DLGAP2: variants seen among roughly 807,000 people sequenced by gnomAD.
DLGAP2 encodes the protein DLG associated protein 2.
Under a neutral mutation model 100.3 loss-of-function variants are expected in DLGAP2, and 26 were observed. That is an observed-to-expected ratio of 0.26 (90% CI 0.19 to 0.36). The LOEUF is 0.36. Ranked by LOEUF, DLGAP2 falls within the 10% of genes least tolerant of loss-of-function variation. DLGAP2 has a pLI of 1.00. For missense variants in DLGAP2, 1,858 were observed against 1,453.2 expected (o/e 1.28, Z -4.53); for synonymous variants, 886 against 630.1 (o/e 1.41, Z -6.08).
At chr8:1,298,422 TCA>T (rs1457362648) in intron 3 of DLGAP2, among the ~76,000 whole-genome samples, 7 of 152,274 alleles carry the variant, frequency 4.6e-5, no homozygotes, top group Admixed American at 3.9e-4. Flanking sequence ...AAGCCCTGGA[TCA>T]CAGTGTGACA....
intron 2 of DLGAP2, among the ~76,000 whole-genome samples, chr8:1,186,087 G>A (rs62489002): frequency 0.16 from 25,046 of 152,090 alleles, 2,123 homozygotes; most frequent in East Asian, 0.23. Flanking sequence ...AATCCTGCCC[G>A]GGCCACCTCC....
At chr8:1,598,181 T>C (rs1796518139) in intron 6 of DLGAP2, among the ~76,000 whole-genome samples, 1 of 152,258 alleles carries the variant, frequency 6.6e-6, no homozygotes, top group African/African-American at 2.4e-5. Flanking sequence ...GATTTGCATA[T>C]GTTGAACCAG....
In DLGAP2 at chr8:1,522,908, T is replaced by G. The variant is rs150143223; in HGVS notation, c.172+21477T>G. On this transcript the variant is annotated intron_variant, in intron 4 of 14. Transcript: ENST00000637795. ...AAATTAGGGAGTAGCTCTACATTGC[T>G]AAAGGGATGCAGCTTTTTACCTGGG... is the stretch of plus-strand genomic sequence containing the variant. Among the ~76,000 whole-genome samples, 378 of 152,370 alleles carry G rather than the reference T, an allele frequency of 2.5e-3. 1 individual carries two copies. Among genetic ancestry groups the G allele is most frequent in the African/African-American group, 8.4e-3 (351 of 41,584 alleles).
At position 1,610,924 on chromosome 8, in the gene DLGAP2, G is replaced by T. The variant is rs1187142459; in HGVS notation, c.1443-15816G>T. Among the ~76,000 whole-genome samples, 4 of 92,928 alleles carry T rather than the reference G, an allele frequency of 4.3e-5. 1 individual carries two copies. Among genetic ancestry groups the T allele is most frequent in the African/African-American group, 2.2e-4 (4 of 18,206 alleles). 61.0% of individuals were successfully genotyped at this position (92,928 alleles called of 152,430 possible). A position where few individuals can be genotyped will look rare whatever the true frequency, so the allele number is the denominator to read the frequency against. On this transcript the variant is annotated intron_variant, in intron 6 of 14. Transcript: ENST00000637795. ...AGTTTACCAACCAAAAAGAGTCCAG[G>T]ACAAGATGGATTCACAGCCGAATTC... is the stretch of plus-strand genomic sequence containing the variant.
chr8:1,174,466 C>CATTACT (rs1405294039), intron 2 of DLGAP2, among the ~76,000 whole-genome samples: 2 of 140,766 alleles, frequency 1.4e-5, no homozygotes, highest in African/African-American at 6.5e-5. Context: ...TTATCGTCAT[C>CATTACT]ATTACCATTA....
chr8:1,575,459 TTA>T (rs1802927359), intron 6 of DLGAP2, among the ~76,000 whole-genome samples: 1 of 27,886 alleles, frequency 3.6e-5, no homozygotes, highest in Non-Finnish European at 6.7e-5. Flanking sequence ...ATATTCTTTA[TTA>T]TTATTATTAT....
intron 1 of DLGAP2, among the ~76,000 whole-genome samples, chr8:781,962 G>A (rs1821700155): frequency 6.6e-6 from 1 of 152,134 alleles, no homozygotes; most frequent in South Asian, 2.1e-4. Flanking sequence ...TGATTAATGG[G>A]TAGAAATGTA....
rs546399394 is a variant in DLGAP2, at chr8:1,133,050, C to T, written c.74-125801C>T. The stretch of plus-strand genomic sequence containing the variant: ...GTCTGTGTGTGGTGGGGTCCTTAGT[C>T]GGGGTCAGAGCCTGTGAAGGACAGT... On this transcript the variant is annotated intron_variant, in intron 2 of 14. Coordinates refer to ENST00000637795, the MANE Select transcript of DLGAP2 (RefSeq NM_001346810.2). Among the ~76,000 whole-genome samples the T allele has an allele frequency of 4.5e-4, 69 of 152,278 alleles. 1 individual carries two copies. In the South Asian group the frequency reaches 9.5e-3, roughly 21 times the overall value.
chr8:1,356,137 G>C (rs1414972104), intron 3 of DLGAP2, among the ~76,000 whole-genome samples: 2 of 152,150 alleles, frequency 1.3e-5, no homozygotes, highest in Admixed American at 1.3e-4. Flanking sequence ...GGTTCGTGTG[G>C]ACCTCACAGC....
At chr8:1,593,881 T>C (rs1267326948) in intron 6 of DLGAP2, among the ~76,000 whole-genome samples, 3 of 152,186 alleles carry the variant, frequency 2.0e-5, no homozygotes, top group Admixed American at 2.0e-4. Context: ...AAAGAGGTGA[T>C]CCATGCATCC....
intron 3 of DLGAP2, among the ~76,000 whole-genome samples, chr8:1,299,385 G>C (rs1327373884): frequency 6.6e-6 from 1 of 152,196 alleles, no homozygotes; most frequent in Non-Finnish European, 1.5e-5. Flanking sequence ...GATTCTCATG[G>C]CCCTTCTTTC....
At chr8:1,270,537 G>A (rs1373493987) in intron 3 of DLGAP2, among the ~76,000 whole-genome samples, 2 of 152,184 alleles carry the variant, frequency 1.3e-5, no homozygotes, top group Admixed American at 6.5e-5. Flanking sequence ...ACAGAGTCAG[G>A]CCAGGAAGCA....
chr8:1,351,537 G>T (rs1375217036), intron 3 of DLGAP2, among the ~76,000 whole-genome samples: 1 of 73,808 alleles, frequency 1.4e-5, no homozygotes, highest in African/African-American at 4.0e-5. Flanking sequence ...GGCCGTGTGG[G>T]TCCTGACTGT....
intron 2 of DLGAP2, among the ~76,000 whole-genome samples, chr8:1,024,830 A>G (rs1801744702): frequency 1.3e-5 from 2 of 152,168 alleles, no homozygotes; most frequent in African/African-American, 4.8e-5. Context: ...TCTCAAGCTC[A>G]TTTTGAAGAA....
intron 2 of DLGAP2, among the ~76,000 whole-genome samples, chr8:1,017,817 G>T (rs1051144912): frequency 1.2e-4 from 18 of 152,208 alleles, no homozygotes; most frequent in East Asian, 5.8e-4. Context: ...ACGCTACTGG[G>T]TTCATCCCTG....
intron 2 of DLGAP2, among the ~76,000 whole-genome samples, chr8:1,039,616 CTCGGTGTGCGTGG>C (rs2129029909): frequency 4.5e-5 from 3 of 65,954 alleles, no homozygotes; most frequent in East Asian, 4.5e-4. Context: ...GCGTGGTCAG[CTCGGTGTGCGTGG>C]TCAGCTCGGT....
chr8:1,305,989 G>C (rs957111358), intron 3 of DLGAP2, among the ~76,000 whole-genome samples: 12 of 148,672 alleles, frequency 8.1e-5, no homozygotes, highest in South Asian at 4.3e-4. Context: ...TTTATATCCA[G>C]ATATTTTGCT....
intron 2 of DLGAP2, among the ~76,000 whole-genome samples, chr8:976,050 C>T (rs546750302): frequency 7.9e-5 from 12 of 152,082 alleles, no homozygotes; most frequent in Admixed American, 7.9e-4. Context: ...TATACACCAG[C>T]AATAAAAAAT....
At chr8:1,277,803 G>T (rs1004279512) in intron 3 of DLGAP2, among the ~76,000 whole-genome samples, 1 of 152,110 alleles carries the variant, frequency 6.6e-6, no homozygotes, top group Admixed American at 6.5e-5. Context: ...TTCTCCGCAC[G>T]TTTCTCTAAG....
Sources: gnomAD v4.1 joint callset for allele counts (sites outside exome capture counted in the v4.1 genomes callset) on GRCh38, gnomAD v4.1.1 for gene constraint, MANE v1.5 for transcripts, NCBI Gene and HGNC (gene_info 2026-07-23, HGNC 2026-07-21) for gene names.